The following THSD7B variants were observed in gnomAD, a reference collection of about 807,000 sequenced individuals.
THSD7B encodes the protein thrombospondin type-1 domain-containing protein 7B.
Under a neutral mutation model 213.6 loss-of-function variants are expected in THSD7B, and 138 were observed. The ratio of observed to expected loss-of-function variants is 0.65; its 90% CI spans 0.56 to 0.74. THSD7B has a LOEUF of 0.74. Among genes scored for constraint, THSD7B ranks in the 30% least tolerant of loss-of-function variants. THSD7B has a pLI of 0.00. For missense variants in THSD7B, 1,931 were observed against 1,991.5 expected, an observed-to-expected ratio of 0.97 and a Z score of 0.58; for synonymous variants, 742 against 687.0, an observed-to-expected ratio of 1.08 and a Z score of -1.25.
At chr2:136,806,290 AG>A (rs1682279811) in intron 1 of THSD7B, among the ~76,000 whole-genome samples, 1 of 152,206 alleles carries the variant, frequency 6.6e-6, no homozygotes, top group African/African-American at 2.4e-5. Flanking sequence ...CAGCAAACAC[AG>A]GTTTGAATTC....
At chr2:137,584,409 G>C (rs1474511263) in intron 17 of THSD7B, among the ~76,000 whole-genome samples, 1 of 152,158 alleles carries the variant, frequency 6.6e-6, no homozygotes, top group Non-Finnish European at 1.5e-5. Context: ...TTCCTGTCTT[G>C]TGCCAGTTTT....
chr2:137,456,739 A>G (rs995889965), intron 15 of THSD7B, among the ~76,000 whole-genome samples: 6 of 152,228 alleles, frequency 3.9e-5, no homozygotes, highest in Non-Finnish European at 8.8e-5. Flanking sequence ...TTTAAATGTG[A>G]AACATCACAT....
intron 2 of THSD7B, among the ~76,000 whole-genome samples, chr2:136,918,982 G>A (rs532564653): frequency 6.6e-6 from 1 of 152,232 alleles, no homozygotes; most frequent in South Asian, 2.1e-4. Context: ...TCTTCATGAA[G>A]GTGTTTATAC....
rs532733997 is a variant in THSD7B, at chr2:137,332,565, G to A, written c.2500+56539G>A. On this transcript the variant is annotated intron_variant, in intron 12 of 27. Transcript: ENST00000409968. ...TTTTGGGGGACTGTTGGAAAGGTAT[G>A]ATTGTGTTTTGAAATGTGAGGACAT... Among the ~76,000 whole-genome samples, 4 of 152,294 alleles carry A rather than the reference G, an allele frequency of 2.6e-5. No homozygotes were observed. In the South Asian group the frequency reaches 8.3e-4, roughly 32 times the overall value.
intron 15 of THSD7B, among the ~76,000 whole-genome samples, chr2:137,508,380 T>TC (rs1679883309): frequency 7.0e-6 from 1 of 143,652 alleles, no homozygotes. Context: ...AAAACAATTT[T>TC]TTTTTTTTTT....
intron 1 of THSD7B, among the ~76,000 whole-genome samples, chr2:136,855,258 T>C (rs1215674910): frequency 6.6e-6 from 1 of 152,182 alleles, no homozygotes. Context: ...TATATATATA[T>C]GGATTTTCCA....
At chr2:137,441,815 G>T (rs182790683) in intron 14 of THSD7B, among the ~76,000 whole-genome samples, 1 of 151,966 alleles carries the variant, frequency 6.6e-6, no homozygotes, top group Non-Finnish European at 1.5e-5. Context: ...ATGAGAAAAG[G>T]CACCCAAATT....
chr2:137,557,993 C>T (rs1032894952), intron 15 of THSD7B, among the ~76,000 whole-genome samples: 1 of 152,116 alleles, frequency 6.6e-6, no homozygotes, highest in Non-Finnish European at 1.5e-5. Context: ...GACACATATA[C>T]CCTCCCAAGA....
At chr2:137,124,286 T>G (rs1688596039) in intron 5 of THSD7B, among the ~76,000 whole-genome samples, 1 of 152,184 alleles carries the variant, frequency 6.6e-6, no homozygotes. Context: ...AGTTATTGCT[T>G]CCAATCTATT....
intron 4 of THSD7B, among the ~76,000 whole-genome samples, chr2:137,101,136 G>A (rs1688142298): frequency 6.6e-6 from 1 of 152,080 alleles, no homozygotes; most frequent in African/African-American, 2.4e-5. Flanking sequence ...CCTGGGTTCT[G>A]AGGTGATTCT....
intron 2 of THSD7B, among the ~76,000 whole-genome samples, chr2:137,016,219 A>G (rs1411441089): frequency 6.6e-6 from 1 of 152,106 alleles, no homozygotes; most frequent in African/African-American, 2.4e-5. Flanking sequence ...TGAGGATTCT[A>G]GCCTGGCCAG....
At chr2:136,981,099 A>G (rs185859894) in intron 2 of THSD7B, among the ~76,000 whole-genome samples, 17 of 152,218 alleles carry the variant, frequency 1.1e-4, no homozygotes, top group African/African-American at 3.1e-4. Flanking sequence ...AAAACTTTTT[A>G]TACATTATAG....
chr2:137,185,287 G>A (rs928875896), intron 7 of THSD7B, among the ~76,000 whole-genome samples: 5 of 151,516 alleles, frequency 3.3e-5, no homozygotes, highest in Non-Finnish European at 7.4e-5. Flanking sequence ...GGGGGTACAT[G>A]TGCAGGTTTG....
chr2:137,002,590 T>C (rs1362580128), intron 2 of THSD7B, among the ~76,000 whole-genome samples: 2 of 152,176 alleles, frequency 1.3e-5, no homozygotes, highest in Non-Finnish European at 2.9e-5. Flanking sequence ...CCCCTTTGCT[T>C]TTATTCTCTG....
intron 12 of THSD7B, 146 bp downstream of exon 12, chr2:137,276,172 G>A: frequency 1.5e-6 from 1 of 648,948 alleles, no homozygotes; most frequent in South Asian, 2.2e-5. Flanking sequence ...ATATAAATAG[G>A]ATTTGGCATA....
intron 15 of THSD7B, among the ~76,000 whole-genome samples, chr2:137,454,003 C>G (rs1687709235): frequency 6.6e-6 from 1 of 152,180 alleles, no homozygotes; most frequent in South Asian, 2.1e-4. Context: ...TCTTCATCCA[C>G]TCATCTATTG....
chr2:136,866,136 G>A (rs1463470431), intron 1 of THSD7B, among the ~76,000 whole-genome samples: 2 of 152,124 alleles, frequency 1.3e-5, no homozygotes, highest in Non-Finnish European at 2.9e-5. Flanking sequence ...GAAAAAGTGG[G>A]ATTTCTTTTT....
At chr2:137,644,191 G>T (rs1269492965) in intron 21 of THSD7B, among the ~76,000 whole-genome samples, 4 of 152,118 alleles carry the variant, frequency 2.6e-5, no homozygotes, top group Non-Finnish European at 4.4e-5. Flanking sequence ...AAACTTCAGA[G>T]TTGCCCCAGA....
intron 14 of THSD7B, among the ~76,000 whole-genome samples, chr2:137,413,402 C>T (rs992249007): frequency 6.6e-6 from 1 of 152,138 alleles, no homozygotes; most frequent in African/African-American, 2.4e-5. Context: ...GTGGAGTTTA[C>T]TGTCCAGAGG....
Sources: gnomAD v4.1 joint callset for allele counts (sites outside exome capture counted in the v4.1 genomes callset) on GRCh38, gnomAD v4.1.1 for gene constraint, MANE v1.5 for transcripts, NCBI Gene and HGNC (gene_info 2026-07-23, HGNC 2026-07-21) for gene names.